Variants in PLCG2 observed in about 807,000 individuals in gnomAD.
The protein encoded by PLCG2 is phospholipase C gamma 2.
In PLCG2, 69 loss-of-function variants were observed where a neutral mutation model predicts 175.6. The observed-to-expected ratio is 0.39, with a 90% CI of 0.32 to 0.48. The LOEUF is 0.48. PLCG2 is among the 20% of genes least tolerant of loss of function. The pLI, the probability that PLCG2 is intolerant of heterozygous loss-of-function variation, is 0.91. For synonymous variants in PLCG2, 827 were observed against 624.0 expected (o/e 1.33, Z -4.85); for missense variants, 1,798 against 1,650.9 (o/e 1.09, Z -1.54).
At chr16:81,919,861 G>C (rs192368934) in intron 20 of PLCG2, among the ~76,000 whole-genome samples, 197 bp downstream of exon 20, 71 of 152,300 alleles carry the variant, frequency 4.7e-4, no homozygotes, top group Middle Eastern at 3.4e-3. Flanking sequence ...TGCAACAAAT[G>C]ACATTTAAAA....
rs1311187746 is a variant in PLCG2 at position 81,889,239 on chromosome 16, G to A, written c.833G>A (p.Arg278His). The A allele has an allele frequency of 6.2e-7, 1 of 1,605,610 alleles. No individual in the cohort carries two copies. The highest frequency in any genetic ancestry group is 8.5e-7 in the Non-Finnish European group (1 of 1,175,776). The change falls in exon 10 of 33, where the codon CGT becomes CAT. Residue 278 changes from arginine to histidine, a missense_variant. Physicochemically the swap from Arg to His is conservative, Grantham distance 29. Transcript: ENST00000564138. ...ACAAAGTTCATTGATGACACCATGC[G>A]TGAAACTGCTGAGCCTTTCTTGTTT... ...RMTKFIDDTM[R>H]ETAEPFLFVD...
chr16:81,925,521 C>A (rs1910226477), intron 22 of PLCG2, among the ~76,000 whole-genome samples: 1 of 152,174 alleles, frequency 6.6e-6, no homozygotes, highest in Non-Finnish European at 1.5e-5. Flanking sequence ...TAGCATCAGT[C>A]CTCACTCTGC....
chr16:81,797,055 A>G (rs1248675355), intron 2 of PLCG2, among the ~76,000 whole-genome samples: 1 of 152,136 alleles, frequency 6.6e-6, no homozygotes, highest in African/African-American at 2.4e-5. Context: ...GTGTCATGTT[A>G]TTTTCTAGCT....
At chr16:81,899,998 C>G (rs1909075746) in intron 13 of PLCG2, among the ~76,000 whole-genome samples, 1 of 152,026 alleles carries the variant, frequency 6.6e-6, no homozygotes, top group Non-Finnish European at 1.5e-5. Flanking sequence ...AACCATAACC[C>G]CAATAGATAA....
intron 7 of PLCG2, among the ~76,000 whole-genome samples, chr16:81,879,829 C>T (rs1436814446): frequency 2.0e-5 from 3 of 152,108 alleles, no homozygotes; most frequent in Non-Finnish European, 4.4e-5. Context: ...CCATGGCGCC[C>T]CCCTTGGTGG....
chr16:81,778,074 A>AC (rs1301453806), upstream of PLCG2, among the ~76,000 whole-genome samples: 2 of 50,442 alleles, frequency 4.0e-5, no homozygotes, highest in African/African-American at 1.2e-4. Flanking sequence ...CCAAAAACAC[A>AC]CACACACAAA....
chr16:81,764,558 C>G (rs1482959308), intron 2 of PLCG2, among the ~76,000 whole-genome samples: 2 of 152,242 alleles, frequency 1.3e-5, no homozygotes, highest in African/African-American at 2.4e-5. Flanking sequence ...GCAGGTCTCA[C>G]CCTCCAGCCC....
chr16:81,768,274 A>T (rs1351106213), intron 2 of PLCG2, among the ~76,000 whole-genome samples: 1 of 152,164 alleles, frequency 6.6e-6, no homozygotes, highest in Admixed American at 6.5e-5. Context: ...GTGCTACTTC[A>T]CTGTATGAAT....
At chr16:81,936,599 G>T (rs565847462) in intron 27 of PLCG2, among the ~76,000 whole-genome samples, 1 of 150,162 alleles carries the variant, frequency 6.7e-6, no homozygotes, top group Non-Finnish European at 1.5e-5. Context: ...CTTCGTGATT[G>T]TAAGTAAGTG....
At chr16:81,847,533 GAT>G (rs1471890675) in intron 2 of PLCG2, among the ~76,000 whole-genome samples, 30 of 152,216 alleles carry the variant, frequency 2.0e-4, no homozygotes, top group African/African-American at 7.0e-4. Context: ...CCTACAAAAA[GAT>G]ACTTATCACT....
chr16:81,869,842 G>T (rs1391147026), intron 6 of PLCG2, among the ~76,000 whole-genome samples: 1 of 152,138 alleles, frequency 6.6e-6, no homozygotes, highest in Non-Finnish European at 1.5e-5. Flanking sequence ...TGAGTGATGG[G>T]ATATAGTAGA....
At chr16:81,802,479 C>CT (rs1782723222) in intron 2 of PLCG2, among the ~76,000 whole-genome samples, 1 of 152,034 alleles carries the variant, frequency 6.6e-6, no homozygotes, top group Non-Finnish European at 1.5e-5. Context: ...CCAGTAGATG[C>CT]TTAGTAGATA....
chr16:81,958,268 A>T lies in PLCG2; in HGVS notation c.*270A>T, dbSNP rs1597158225. On this transcript the variant is annotated 3_prime_UTR_variant, in exon 33 of 33. Coordinates refer to ENST00000564138, the MANE Select transcript of PLCG2 (RefSeq NM_002661.5). ...TTTGGCCTCTCATGTTCCAAACCTCATTGAATAAAAGCAATGAAAACCTTG... is the reference window on the plus strand; with the variant it reads ...TTTGGCCTCTCATGTTCCAAACCTCTTTGAATAAAAGCAATGAAAACCTTG... 1 of 462,358 alleles carries T rather than the reference A, an allele frequency of 2.2e-6. No homozygotes were observed. Among genetic ancestry groups the T allele is most frequent in the East Asian group, 3.4e-5 (1 of 29,450 alleles). The allele number at this position is 462,358 out of a possible 1,614,324, so 28.6% of individuals were successfully genotyped here. A position where few individuals can be genotyped will look rare whatever the true frequency, so the allele number is the denominator to read the frequency against.
chr16:81,743,642 T>A (rs1267408074), intron 1 of PLCG2, among the ~76,000 whole-genome samples: 2 of 152,134 alleles, frequency 1.3e-5, no homozygotes, highest in African/African-American at 4.8e-5. Flanking sequence ...TAGGAGATCC[T>A]CTCTCTTGTG....
intron 2 of PLCG2, among the ~76,000 whole-genome samples, chr16:81,841,172 G>C (rs1376449052): frequency 6.6e-6 from 1 of 151,948 alleles, no homozygotes; most frequent in African/African-American, 2.4e-5. Context: ...ATAAGGGCAG[G>C]CCCACCCCCT....
upstream of PLCG2, among the ~76,000 whole-genome samples, chr16:81,775,331 G>C (rs1187137210): frequency 6.6e-6 from 1 of 152,154 alleles, no homozygotes; most frequent in African/African-American, 2.4e-5. Context: ...TGGGTCTTAT[G>C]ATGGGGAAAT....
intron 2 of PLCG2, among the ~76,000 whole-genome samples, chr16:81,823,300 A>G (rs1215907226): frequency 1.3e-5 from 2 of 152,204 alleles, no homozygotes; most frequent in Non-Finnish European, 2.9e-5. Context: ...GGGCAGCTGC[A>G]GCAGAGAGGC....
At chr16:81,929,705 C>T (rs944919807) in intron 24 of PLCG2, among the ~76,000 whole-genome samples, 3 of 152,146 alleles carry the variant, frequency 2.0e-5, no homozygotes, top group African/African-American at 7.2e-5. Flanking sequence ...CTGCTTTCCA[C>T]ATTTATAACC....
At chr16:81,753,143 T>TTCC (rs1909846573) in intron 1 of PLCG2, among the ~76,000 whole-genome samples, 1 of 35,782 alleles carries the variant, frequency 2.8e-5, no homozygotes, top group Non-Finnish European at 1.0e-4. Context: ...CCTCGCACCC[T>TTCC]TCCACACCCC....
Sources: allele counts gnomAD v4.1 joint callset (sites outside exome capture counted in the v4.1 genomes callset), GRCh38; gene constraint gnomAD v4.1.1; transcripts MANE v1.5; gene names NCBI Gene and HGNC (gene_info 2026-07-23, HGNC 2026-07-21).